Variants in DOCK8 observed in about 807,000 individuals in gnomAD.
DOCK8 encodes the protein dedicator of cytokinesis 8.
In DOCK8, 141 loss-of-function variants were observed where a neutral mutation model predicts 245.6. The ratio of observed to expected loss-of-function variants is 0.57; its 90% CI spans 0.50 to 0.66. The LOEUF (loss-of-function observed/expected upper bound fraction) is 0.66, where lower values mean the gene tolerates loss of function less well. Ranked by LOEUF, DOCK8 falls within the 30% of genes least tolerant of loss-of-function variation. The pLI, the probability that DOCK8 is intolerant of heterozygous loss-of-function variation, is 0.00. For missense variants in DOCK8, 2,965 were observed against 2,603.4 expected (o/e 1.14, Z -3.02); for synonymous variants, 1,168 against 970.2 (o/e 1.20, Z -3.79).
At chr9:343,794 C>T (rs953281386) in intron 14 of DOCK8, among the ~76,000 whole-genome samples, 4 of 152,138 alleles carry the variant, frequency 2.6e-5, no homozygotes, top group African/African-American at 9.7e-5. Flanking sequence ...GAAACTTTAT[C>T]CTATAATCGG....
In DOCK8 at chr9:407,079, T is replaced by C. The variant is rs760601518; in HGVS notation, c.3530+10T>C. The C allele has an allele frequency of 6.2e-7, 1 of 1,613,962 alleles. No individual in the cohort carries two copies. The highest frequency in any genetic ancestry group is 1.7e-5 in the Admixed American group (1 of 59,996). Reference sequence around the variant, plus strand: ...ATGCCGAAGGGGAAGGGTATGTTTCTGGCATTTAAAATGGAAGATGAAGCC... The same window carrying C: ...ATGCCGAAGGGGAAGGGTATGTTTCCGGCATTTAAAATGGAAGATGAAGCC... On this transcript the variant is annotated intron_variant, in intron 28 of 47. Transcript: ENST00000432829.
chr9:272,834 G>C (rs2048198552), intron 2 of DOCK8: 1 of 155,844 alleles, frequency 6.4e-6, no homozygotes, highest in Non-Finnish European at 1.4e-5. Flanking sequence ...TCTGACAAAT[G>C]AGATGGTTTG....
In DOCK8 at chr9:215,346, G is replaced by A. The variant is rs760650842; in HGVS notation, c.53+317G>A. 3 of 1,602,120 alleles carry A rather than the reference G, an allele frequency of 1.9e-6. No homozygotes were observed. The African/African-American group carries it at 4.1e-5, about 22-fold the overall frequency. The stretch of plus-strand genomic sequence containing the variant: ...TCTTACAGGTGGCCGGGTCCCAGAA[G>A]GGTGATAGGCGCCTGGGTAACCGTG... On this transcript the variant is annotated intron_variant, in intron 1 of 47. Transcript: ENST00000432829.
rs1208001044 is a variant in DOCK8, at chr9:312,422, G to A, written c.741+256G>A. The A allele has an allele frequency of 4.9e-6, 3 of 608,690 alleles. No individual in the cohort carries two copies. The African/African-American group carries it at 5.4e-5, about 11-fold the overall frequency. 37.7% of individuals were successfully genotyped at this position (608,690 alleles called of 1,614,324 possible). A position where few individuals can be genotyped will look rare whatever the true frequency, so the allele number is the denominator to read the frequency against. On this transcript the variant is annotated intron_variant, in intron 6 of 47. Transcript: ENST00000432829. The stretch of plus-strand genomic sequence containing the variant: ...ACTTTACAAAATATGTTCACTAAGA[G>A]CATCTCATTTAATCCCCAAATGTTT...
intron 14 of DOCK8, among the ~76,000 whole-genome samples, chr9:359,157 A>T (rs1054055279): frequency 6.6e-6 from 1 of 152,240 alleles, no homozygotes; most frequent in Non-Finnish European, 1.5e-5. Flanking sequence ...TTTGAGTAGT[A>T]AAATTTTAGC....
intron 2 of DOCK8, among the ~76,000 whole-genome samples, chr9:274,371 C>G (rs1431897524): frequency 2.0e-5 from 3 of 152,060 alleles, no homozygotes; most frequent in Non-Finnish European, 4.4e-5. Flanking sequence ...TTTTCTGAAT[C>G]TCTTTTCCCA....
intron 1 of DOCK8, among the ~76,000 whole-genome samples, chr9:218,324 T>C (rs1297341126): frequency 6.6e-6 from 1 of 152,210 alleles, no homozygotes; most frequent in Non-Finnish European, 1.5e-5. Context: ...AAAAATATTA[T>C]TTGTAAAGCG....
At chr9:375,809 C>A (rs956710645) in intron 18 of DOCK8, among the ~76,000 whole-genome samples, 1 of 152,126 alleles carries the variant, frequency 6.6e-6, no homozygotes, top group African/African-American at 2.4e-5. Flanking sequence ...CCAGCTTGGG[C>A]AACATGGTGA....
chr9:431,308 G>C (rs943395064), intron 36 of DOCK8, among the ~76,000 whole-genome samples: 5 of 152,132 alleles, frequency 3.3e-5, no homozygotes, highest in Non-Finnish European at 7.3e-5. Flanking sequence ...TAATAAGTAT[G>C]CTCAAGTGAT....
rs78780620 is a variant in DOCK8 at position 376,844 on chromosome 9, T to C, written c.2206-133T>C. ...TTCATAGCCTCGGTCTGAAACATCA[T>C]GTCTTAGACCTTCTGGTCTGAAACG... On this transcript the variant is annotated intron_variant, in intron 19 of 47. Transcript: ENST00000432829. 6.5e-3 allele frequency: 5,215 copies of C among 802,386 alleles called. 170 individuals carry two copies. The highest frequency in any genetic ancestry group is 0.063 in the Admixed American group (3,132 of 49,480). 49.7% of individuals were successfully genotyped at this position (802,386 alleles called of 1,614,324 possible). A position where few individuals can be genotyped will look rare whatever the true frequency, so the allele number is the denominator to read the frequency against.
chr9:241,199 C>A (rs1014781514), intron 1 of DOCK8, among the ~76,000 whole-genome samples: 8 of 152,080 alleles, frequency 5.3e-5, no homozygotes, highest in African/African-American at 1.7e-4. Context: ...GCATATCCAT[C>A]ATCTCAAACT....
At chr9:252,668 G>A (rs896474563) in intron 1 of DOCK8, among the ~76,000 whole-genome samples, 4 of 151,700 alleles carry the variant, frequency 2.6e-5, no homozygotes, top group African/African-American at 7.3e-5. Context: ...GCCGGGCCTG[G>A]TGATGCATGC....
chr9:232,955 C>T (rs1172542524), intron 1 of DOCK8, among the ~76,000 whole-genome samples: 1 of 152,126 alleles, frequency 6.6e-6, no homozygotes, highest in African/African-American at 2.4e-5. Flanking sequence ...AATGTGTTTG[C>T]TCTTGCTTCT....
chr9:340,452 C>T lies in DOCK8; in HGVS notation c.1679+131C>T, dbSNP rs937626065. 1.7e-5 allele frequency: 20 copies of T among 1,175,546 alleles called. No homozygotes were observed. In the Admixed American group the frequency reaches 2.4e-4, roughly 14 times the overall value. 72.8% of individuals were successfully genotyped at this position (1,175,546 alleles called of 1,614,324 possible). A position where few individuals can be genotyped will look rare whatever the true frequency, so the allele number is the denominator to read the frequency against. ...CCTTGGCAACATGGCAAAACCGTGT[C>T]TCTACAACATATACAAAATTTAGCT... On this transcript the variant is annotated intron_variant, in intron 14 of 47. Coordinates refer to ENST00000432829, the MANE Select transcript of DOCK8 (RefSeq NM_203447.4).
intron 2 of DOCK8, among the ~76,000 whole-genome samples, chr9:280,492 C>T (rs1338954915): frequency 1.3e-5 from 2 of 152,096 alleles, no homozygotes; most frequent in East Asian, 1.9e-4. Context: ...CTTAAAAGTC[C>T]GCAGGGCAGA....
At chr9:392,277 A>G (rs1191346750) in intron 24 of DOCK8, among the ~76,000 whole-genome samples, 1 of 152,194 alleles carries the variant, frequency 6.6e-6, no homozygotes, top group African/African-American at 2.4e-5. Context: ...GGCAAAGGAA[A>G]CAAATGAACC....
chr9:384,252 T>G (rs1473334245), intron 22 of DOCK8, among the ~76,000 whole-genome samples: 1 of 152,218 alleles, frequency 6.6e-6, no homozygotes, highest in East Asian at 1.9e-4. Flanking sequence ...AGATGGAGTA[T>G]ACGATCCAAC....
chr9:414,649 T>C (rs2055901502), intron 28 of DOCK8, 133 bp from the exon 29 acceptor site: 1 of 1,057,512 alleles, frequency 9.5e-7, no homozygotes, highest in South Asian at 1.3e-5. Flanking sequence ...TTCTATGTAG[T>C]TCTATCCTAT....
intron 4 of DOCK8, among the ~76,000 whole-genome samples, chr9:293,526 T>G (rs2049132935): frequency 1.3e-5 from 2 of 152,246 alleles, no homozygotes; most frequent in Admixed American, 1.3e-4. Flanking sequence ...GATAAGCCAC[T>G]ATTATGAAGA....
Sources: allele counts gnomAD v4.1 joint callset (sites outside exome capture counted in the v4.1 genomes callset), GRCh38; gene constraint gnomAD v4.1.1; transcripts MANE v1.5; gene names NCBI Gene and HGNC (gene_info 2026-07-23, HGNC 2026-07-21).